The following KHDRBS2 variants were observed in gnomAD, a reference collection of about 807,000 sequenced individuals.
KHDRBS2 encodes KH domain-containing, RNA-binding, signal transduction-associated protein 2.
KHDRBS2 carries 26 observed loss-of-function variants against 44.3 expected under a neutral mutation model. That is an observed-to-expected ratio of 0.59 (90% CI 0.43 to 0.81). The LOEUF is 0.81. KHDRBS2 is among the 40% of genes least tolerant of loss of function. KHDRBS2 has a pLI of 0.00. For missense variants in KHDRBS2, 476 were observed against 433.1 expected (o/e 1.10, Z -0.88); for synonymous variants, 194 against 151.1 (o/e 1.28, Z -2.08).
At chr6:61,605,579 C>T in the KHDRBS2 span, among the ~76,000 whole-genome samples, 1 of 152,028 alleles carries the variant, frequency 6.6e-6, no homozygotes, top group Non-Finnish European at 1.5e-5. Flanking sequence ...ATATCCAGGC[C>T]ATCACCAATA....
intron 3 of KHDRBS2, among the ~76,000 whole-genome samples, chr6:62,039,984 C>A (rs78071645): frequency 6.6e-6 from 1 of 152,070 alleles, no homozygotes; most frequent in East Asian, 1.9e-4. Flanking sequence ...AGACTTTAAA[C>A]CAGCTTTATG....
the KHDRBS2 span, among the ~76,000 whole-genome samples, chr6:61,587,569 T>G: frequency 2.6e-5 from 4 of 152,278 alleles, no homozygotes; most frequent in South Asian, 8.3e-4. Flanking sequence ...TTGGCATGGA[T>G]GTCCCAGTCT....
intron 6 of KHDRBS2, among the ~76,000 whole-genome samples, chr6:61,893,642 C>G (rs568336156): frequency 6.6e-6 from 1 of 152,002 alleles, no homozygotes; most frequent in Non-Finnish European, 1.5e-5. Context: ...AGCAAACTAT[C>G]GCAAAGACAA....
At chr6:62,001,667 G>T (rs921057176) in intron 3 of KHDRBS2, among the ~76,000 whole-genome samples, 1 of 151,964 alleles carries the variant, frequency 6.6e-6, no homozygotes, top group Non-Finnish European at 1.5e-5. Flanking sequence ...GACTCTGCTG[G>T]TATTACTTCT....
At chr6:61,590,472 CAAAT>C in the KHDRBS2 span, among the ~76,000 whole-genome samples, 1 of 152,010 alleles carries the variant, frequency 6.6e-6, no homozygotes, top group African/African-American at 2.4e-5. Context: ...TTTTTGGAGT[CAAAT>C]AAGTTTATCT....
At chr6:62,201,934 ATATT>A (rs1280543370) in intron 1 of KHDRBS2, among the ~76,000 whole-genome samples, 2 of 152,066 alleles carry the variant, frequency 1.3e-5, no homozygotes, top group African/African-American at 4.8e-5. Context: ...GATTTCAGAA[ATATT>A]TATTCTTATG....
chr6:61,761,277 G>A (rs1261963590), intron 6 of KHDRBS2, among the ~76,000 whole-genome samples: 2 of 152,138 alleles, frequency 1.3e-5, no homozygotes, highest in African/African-American at 2.4e-5. Flanking sequence ...AGGTGTCTGG[G>A]TTTGAATTTA....
intron 5 of KHDRBS2, among the ~76,000 whole-genome samples, chr6:61,897,682 C>G (rs1436602128): frequency 1.3e-5 from 2 of 151,584 alleles, no homozygotes; most frequent in African/African-American, 4.9e-5. Flanking sequence ...TCATTGGCTC[C>G]CCTGCCATAA....
intron 4 of KHDRBS2, among the ~76,000 whole-genome samples, chr6:61,947,530 G>A (rs1447541945): frequency 6.6e-6 from 1 of 152,026 alleles, no homozygotes; most frequent in Non-Finnish European, 1.5e-5. Context: ...GAAGTGGAAG[G>A]GCTAAGGGGA....
chr6:61,935,691 G>C (rs1435012551), intron 4 of KHDRBS2, among the ~76,000 whole-genome samples: 1 of 152,094 alleles, frequency 6.6e-6, no homozygotes, highest in East Asian at 1.9e-4. Flanking sequence ...CAGTGTGTTA[G>C]GATTGAATGA....
intron 2 of KHDRBS2, among the ~76,000 whole-genome samples, chr6:62,108,924 C>T (rs1234327186): frequency 1.3e-5 from 2 of 152,010 alleles, no homozygotes; most frequent in Non-Finnish European, 2.9e-5. Flanking sequence ...GGAAGGGGTA[C>T]ATCACACTTT....
At chr6:62,268,492 A>T (rs1172637076) in intron 1 of KHDRBS2, among the ~76,000 whole-genome samples, 1 of 152,084 alleles carries the variant, frequency 6.6e-6, no homozygotes, top group Non-Finnish European at 1.5e-5. Flanking sequence ...TATAAAGATG[A>T]GCTATCATCG....
the KHDRBS2 span, among the ~76,000 whole-genome samples, chr6:61,545,088 A>T: frequency 3.9e-5 from 6 of 152,078 alleles, no homozygotes; most frequent in East Asian, 1.9e-4. Flanking sequence ...AATAAAAAAA[A>T]TTTTAAAAAA....
intron 1 of KHDRBS2, among the ~76,000 whole-genome samples, chr6:62,272,105 T>A (rs777372559): frequency 2.6e-5 from 4 of 152,180 alleles, no homozygotes; most frequent in Non-Finnish European, 5.9e-5. Context: ...GTACTTTTTC[T>A]ATGTTTAGGT....
At chr6:61,693,628 A>C (rs979591260) in intron 8 of KHDRBS2, among the ~76,000 whole-genome samples, 1 of 152,172 alleles carries the variant, frequency 6.6e-6, no homozygotes, top group African/African-American at 2.4e-5. Flanking sequence ...ATCCCTTTCT[A>C]CATTTTCCTT....
At chr6:61,568,679 A>T in the KHDRBS2 span, among the ~76,000 whole-genome samples, 14 of 152,148 alleles carry the variant, frequency 9.2e-5, no homozygotes, top group Non-Finnish European at 1.9e-4. Context: ...TTTGTACCTT[A>T]CCTAGATCTT....
the KHDRBS2 span, among the ~76,000 whole-genome samples, chr6:61,550,192 C>A: frequency 3.0e-4 from 46 of 152,168 alleles, no homozygotes; most frequent in East Asian, 8.7e-3. Flanking sequence ...TCAATCCTCG[C>A]CCTCCTCCCA....
At chr6:61,566,512 T>C in the KHDRBS2 span, among the ~76,000 whole-genome samples, 1 of 152,128 alleles carries the variant, frequency 6.6e-6, no homozygotes, top group Non-Finnish European at 1.5e-5. Context: ...CCCATAAACA[T>C]TTATAATTAT....
At chr6:61,618,470 T>G in the KHDRBS2 span, among the ~76,000 whole-genome samples, 1 of 152,358 alleles carries the variant, frequency 6.6e-6, no homozygotes, top group Admixed American at 6.5e-5. Flanking sequence ...TCTATTTATT[T>G]TAACTTTTAT....
Sources: allele counts gnomAD v4.1 joint callset (sites outside exome capture counted in the v4.1 genomes callset), GRCh38; gene constraint gnomAD v4.1.1; transcripts MANE v1.5; gene names NCBI Gene and HGNC (gene_info 2026-07-23, HGNC 2026-07-21).